Variants in PTPRT observed in about 807,000 individuals in gnomAD.
PTPRT encodes the protein receptor-type tyrosine-protein phosphatase T.
PTPRT carries 56 observed loss-of-function variants against 176.8 expected under a neutral mutation model. That is an observed-to-expected ratio of 0.32 (90% CI 0.26 to 0.40). The LOEUF (loss-of-function observed/expected upper bound fraction) is 0.40. Ranked by LOEUF, PTPRT falls within the 10% of genes least tolerant of loss-of-function variation. The pLI is 1.00. For synonymous variants in PTPRT, 783 were observed against 739.0 expected (o/e 1.06, Z -0.96); for missense variants, 1,540 against 1,908.2 (o/e 0.81, Z 3.60).
intron 5 of PTPRT, among the ~76,000 whole-genome samples, chr20:42,769,408 A>G (rs940383562): frequency 6.6e-6 from 1 of 152,250 alleles, no homozygotes; most frequent in Non-Finnish European, 1.5e-5. Flanking sequence ...AATGTAAATT[A>G]AAACTATAAC....
intron 7 of PTPRT, among the ~76,000 whole-genome samples, chr20:42,667,167 T>C (rs1399583224): frequency 6.6e-6 from 1 of 152,198 alleles, no homozygotes; most frequent in African/African-American, 2.4e-5. Flanking sequence ...AACACCCAAC[T>C]GGGCCATGGT....
intron 1 of PTPRT, among the ~76,000 whole-genome samples, chr20:43,139,949 GA>G (rs1338303159): frequency 6.6e-6 from 1 of 152,164 alleles, no homozygotes; most frequent in Non-Finnish European, 1.5e-5. Flanking sequence ...ATGCTTTTTA[GA>G]ACATTTGCAT....
Position 42,520,802 on chromosome 20 carries a change from C to CATATATAT in PTPRT, c.1154-48248_1154-48241dup, listed in dbSNP as rs58797064. On this transcript the variant is annotated intron_variant, in intron 7 of 30. Transcript: ENST00000373187. ...TGTCAGCAGACAGAGCTTGGAAAGA[C>CATATATAT]ATATATATATATATATATATGTATG... 3.1e-3 allele frequency among the ~76,000 whole-genome samples: 442 copies of CATATATAT among 141,732 alleles called. 2 individuals carry two copies. The highest frequency in any genetic ancestry group is 0.011 in the African/African-American group (422 of 38,142). 93.0% of individuals were successfully genotyped at this position (141,732 alleles called of 152,430 possible).
At chr20:42,794,141 T>C (rs1019372110) in intron 2 of PTPRT, among the ~76,000 whole-genome samples, 2 of 152,178 alleles carry the variant, frequency 1.3e-5, no homozygotes, top group Admixed American at 6.5e-5. Flanking sequence ...CTGTTCCATG[T>C]AGCTTCATGC....
At position 42,857,856 on chromosome 20, in the gene PTPRT, G is replaced by A. The variant is rs2078592273; in HGVS notation, c.214+27951C>T. 2.0e-5 allele frequency among the ~76,000 whole-genome samples: 3 copies of A among 152,304 alleles called. 1 individual carries two copies. The highest frequency in any genetic ancestry group is 1.3e-4 in the Admixed American group (2 of 15,298). ...AACTCATATGTCTTCTCCTGCAGAA[G>A]GTGTCTCCTGTTTATGCGGGACCCC... On this transcript the variant is annotated intron_variant, in intron 2 of 30. Coordinates refer to ENST00000373187, the MANE Select transcript of PTPRT (RefSeq NM_007050.6).
rs62204944 is a variant in PTPRT, at chr20:42,483,332, T to C, written c.1154-10770A>G. Reference sequence around the variant, plus strand: ...AGGCATGCCACCACGCTCGACTAATTTTTGTATTTTTAGTAGAGATGGGGT... The same window carrying C: ...AGGCATGCCACCACGCTCGACTAATCTTTGTATTTTTAGTAGAGATGGGGT... On this transcript the variant is annotated intron_variant, in intron 7 of 30. Coordinates refer to ENST00000373187, the MANE Select transcript of PTPRT (RefSeq NM_007050.6). Among the ~76,000 whole-genome samples, 1,194 of 152,170 alleles carry C rather than the reference T, an allele frequency of 7.8e-3. 11 individuals are homozygous for C. Among genetic ancestry groups the C allele is most frequent in the Middle Eastern group, 0.014 (4 of 294 alleles).
intron 9 of PTPRT, among the ~76,000 whole-genome samples, chr20:42,398,567 T>C (rs2058874144): frequency 6.6e-6 from 1 of 152,200 alleles, no homozygotes; most frequent in South Asian, 2.1e-4. Context: ...ATAGCATGTA[T>C]ATCAGAATTC....
At chr20:42,364,575 C>A (rs2145577231) in intron 9 of PTPRT, among the ~76,000 whole-genome samples, 1 of 152,220 alleles carries the variant, frequency 6.6e-6, no homozygotes, top group South Asian at 2.1e-4. Flanking sequence ...TTTTCTCCAA[C>A]CCTCTGGCCT....
rs1166719457 is a variant in PTPRT, at chr20:42,073,550, C to G, written c.*7329G>C. 1 of 217,256 alleles carries G rather than the reference C, an allele frequency of 4.6e-6. No homozygotes were observed. The highest frequency in any genetic ancestry group is 9.3e-6 in the Non-Finnish European group (1 of 107,836). 13.5% of individuals were successfully genotyped at this position (217,256 alleles called of 1,614,324 possible). ...GGACCTTCACTGGTTCTGGCTGTCA[C>G]TCATGGCCCTGTTGGTCAGTGGGTC... On this transcript the variant is annotated 3_prime_UTR_variant, in exon 31 of 31. Coordinates refer to ENST00000373187, the MANE Select transcript of PTPRT (RefSeq NM_007050.6).
At chr20:42,219,584 A>G (rs1320015170) in intron 15 of PTPRT, among the ~76,000 whole-genome samples, 1 of 152,220 alleles carries the variant, frequency 6.6e-6, no homozygotes, top group Non-Finnish European at 1.5e-5. Context: ...ACAACAACAA[A>G]GACAAGAAGG....
chr20:43,060,258 C>A (rs1052181546), intron 1 of PTPRT, among the ~76,000 whole-genome samples: 2 of 152,116 alleles, frequency 1.3e-5, no homozygotes, highest in Non-Finnish European at 2.9e-5. Context: ...TGTTCTGGAG[C>A]CTGGGAAGTC....
At chr20:42,931,013 C>T (rs1979813246) in intron 1 of PTPRT, among the ~76,000 whole-genome samples, 1 of 152,084 alleles carries the variant, frequency 6.6e-6, no homozygotes, top group South Asian at 2.1e-4. Flanking sequence ...TCCCTCAACC[C>T]CCTCCCCATC....
At chr20:42,614,110 C>A (rs2074022131) in intron 7 of PTPRT, among the ~76,000 whole-genome samples, 1 of 152,068 alleles carries the variant, frequency 6.6e-6, no homozygotes, top group Non-Finnish European at 1.5e-5. Flanking sequence ...CTGTTCCATG[C>A]CTCTCTCCTA....
chr20:42,555,960 G>A (rs1040636295), intron 7 of PTPRT, among the ~76,000 whole-genome samples: 2 of 152,084 alleles, frequency 1.3e-5, no homozygotes, highest in Admixed American at 6.6e-5. Context: ...CCACCATAAA[G>A]CCGATTAATA....
At chr20:42,892,179 G>C (rs1454740788) in intron 1 of PTPRT, among the ~76,000 whole-genome samples, 3 of 152,206 alleles carry the variant, frequency 2.0e-5, no homozygotes, top group African/African-American at 7.2e-5. Context: ...ATGTACAGCA[G>C]TACTAATAGC....
chr20:42,788,890 G>C (rs2077332469), intron 3 of PTPRT, among the ~76,000 whole-genome samples: 1 of 152,172 alleles, frequency 6.6e-6, no homozygotes, highest in Admixed American at 6.5e-5. Flanking sequence ...AAATTGTGGA[G>C]CCAAGTGGTT....
chr20:42,621,803 C>T (rs2074202243), intron 7 of PTPRT, among the ~76,000 whole-genome samples: 1 of 152,196 alleles, frequency 6.6e-6, no homozygotes, highest in South Asian at 2.1e-4. Context: ...TCCTAAATTG[C>T]AGATGCCCAC....
chr20:42,126,597 T>C (rs544315547), intron 19 of PTPRT, among the ~76,000 whole-genome samples: 3 of 152,330 alleles, frequency 2.0e-5, no homozygotes, highest in Non-Finnish European at 1.5e-5. Flanking sequence ...CCAGGGAGCC[T>C]TCACTGGCTA....
chr20:42,046,605 A>C, the PTPRT span, among the ~76,000 whole-genome samples: 4 of 152,144 alleles, frequency 2.6e-5, no homozygotes, highest in Admixed American at 2.6e-4. Flanking sequence ...GACCAGTGAC[A>C]CCTCATTATA....
Sources: gnomAD v4.1 joint callset for allele counts (sites outside exome capture counted in the v4.1 genomes callset) on GRCh38, gnomAD v4.1.1 for gene constraint, MANE v1.5 for transcripts, NCBI Gene and HGNC (gene_info 2026-07-23, HGNC 2026-07-21) for gene names.